PHC3: variants seen among roughly 807,000 people sequenced by gnomAD.
PHC3 encodes the protein polyhomeotic-like protein 3.
PHC3 carries 13 observed loss-of-function variants against 107.4 expected under a neutral mutation model. That is an observed-to-expected ratio of 0.12 (90% CI 0.08 to 0.19). The LOEUF (loss-of-function observed/expected upper bound fraction) is 0.19. Among genes scored for constraint, PHC3 ranks in the 10% least tolerant of loss-of-function variants. The pLI is 1.00. For missense variants in PHC3, 992 were observed against 1,210.9 expected (o/e 0.82, Z 2.68); for synonymous variants, 456 against 427.4 (o/e 1.07, Z -0.83).
intron 4 of PHC3, among the ~76,000 whole-genome samples, chr3:170,161,878 CCTTT>C (rs1024001385): frequency 6.6e-6 from 1 of 152,176 alleles, no homozygotes; most frequent in African/African-American, 2.4e-5. Flanking sequence ...CTTATGACTT[CCTTT>C]AACTTCTATC....
intron 12 of PHC3, among the ~76,000 whole-genome samples, chr3:170,104,379 C>G (rs1291061991): frequency 6.6e-6 from 1 of 152,068 alleles, no homozygotes; most frequent in Non-Finnish European, 1.5e-5. Context: ...CTATGCAAAG[C>G]TAGGAAAAAT....
chr3:170,102,578 G>A lies in PHC3; in HGVS notation c.2734C>T (p.Arg912Trp), dbSNP rs201852977. ...RERELRDVRI[R>W]KMPENSDLLP... ...AAGTCACTGTTCTCAGGCATTTTCC[G>A]AATTCTCACATCCCGAAGCTCACGT... Residue 912 changes from arginine (R) to tryptophan (W), a missense_variant, in exon 14 of 15, where the codon CGG becomes TGG. Physicochemically the swap from Arg to Trp is moderately radical, Grantham distance 101. This residue lies in a region of PHC3 where 228 missense variants were observed against 288.8 expected (regional missense o/e 0.79). Transcript: ENST00000495893. 3.2e-5 allele frequency: 52 copies of A among 1,613,732 alleles called. No individual in the cohort carries two copies. The highest frequency in any genetic ancestry group is 4.2e-5 in the Non-Finnish European group (49 of 1,179,858).
At chr3:170,136,175 TGC>T (rs1723040155) in intron 7 of PHC3, among the ~76,000 whole-genome samples, 1 of 152,198 alleles carries the variant, frequency 6.6e-6, no homozygotes. Flanking sequence ...GAGAGACCAG[TGC>T]TTAAAGATGA....
intron 11 of PHC3, 96 bp downstream of exon 11, chr3:170,113,264 C>G (rs1460799952): frequency 1.7e-6 from 2 of 1,173,914 alleles, no homozygotes; most frequent in Non-Finnish European, 2.3e-6. Flanking sequence ...TTGAATACTT[C>G]CAGTGAAATT....
chr3:170,107,838 T>C (rs1453130668), intron 11 of PHC3, among the ~76,000 whole-genome samples: 1 of 152,134 alleles, frequency 6.6e-6, no homozygotes, highest in Non-Finnish European at 1.5e-5. Context: ...GACCCTTCCA[T>C]GCTAAATCCC....
Position 170,120,089 on chromosome 3 carries a change from A to G in PHC3, c.1942+2502T>C, listed in dbSNP as rs1287675135. Among the ~76,000 whole-genome samples, 5 of 152,190 alleles carry G rather than the reference A, an allele frequency of 3.3e-5. No individual in the cohort carries two copies. The South Asian group carries it at 1.0e-3, about 32-fold the overall frequency. ...CTTATTTTGTAATTAAATCACAACT[A>G]AAATGTAAGTTTACTATTCAATAAA... On this transcript the variant is annotated intron_variant, in intron 9 of 14. Coordinates refer to ENST00000495893, the MANE Select transcript of PHC3 (RefSeq NM_024947.4).
Position 170,126,528 on chromosome 3 carries a change from A to ATATTTTTT in PHC3, c.1788+2155_1788+2156insAAAAAATA, listed in dbSNP as rs370421296. On this transcript the variant is annotated intron_variant, in intron 8 of 14. Transcript: ENST00000495893. ...TGTATATATATATATATATATATAT[A>ATATTTTTT]TTTTTTTTTTTTTTTCCTTTTTCTT... 1.4e-3 allele frequency among the ~76,000 whole-genome samples: 126 copies of ATATTTTTT among 90,582 alleles called. 1 individual carries two copies. The highest frequency in any genetic ancestry group is 5.3e-3 in the African/African-American group (119 of 22,304). The allele number at this position is 90,582 out of a possible 152,430, so 59.4% of individuals were successfully genotyped here.
At chr3:170,116,740 T>C (rs2108371578) in intron 10 of PHC3, among the ~76,000 whole-genome samples, 1 of 151,776 alleles carries the variant, frequency 6.6e-6, no homozygotes, top group African/African-American at 2.4e-5. Context: ...CAAGACCTTG[T>C]CTCTACAAAA....
chr3:170,107,809 C>A (rs1716856356), intron 11 of PHC3, among the ~76,000 whole-genome samples: 1 of 152,090 alleles, frequency 6.6e-6, no homozygotes, highest in Non-Finnish European at 1.5e-5. Flanking sequence ...TATCTTCAGG[C>A]AGTAACACAA....
rs868486348 is a variant in PHC3 at position 170,112,515 on chromosome 3, G to A, written c.2353+845C>T. On this transcript the variant is annotated intron_variant, in intron 11 of 14. Transcript: ENST00000495893. ...TGGGATTACAGACATAAGCCACCGC[G>A]CCTGGCCTATTTTTTTTTTTTTTTT... Among the ~76,000 whole-genome samples, 38 of 144,786 alleles carry A rather than the reference G, an allele frequency of 2.6e-4. No homozygotes were observed. In the South Asian group the frequency reaches 3.9e-3, roughly 15 times the overall value. The allele number at this position is 144,786 out of a possible 152,430, so 95.0% of individuals were successfully genotyped here.
intron 4 of PHC3, among the ~76,000 whole-genome samples, chr3:170,153,316 T>TC (rs2108618987): frequency 6.6e-6 from 1 of 152,302 alleles, no homozygotes; most frequent in African/African-American, 2.4e-5. Flanking sequence ...AATTTCCATT[T>TC]TGATTTTTCA....
In PHC3 at chr3:170,094,341, A is replaced by C. The variant is rs149628539; in HGVS notation, c.*2889T>G. The C allele has an allele frequency of 6.6e-6, 1 of 152,340 alleles. No individual in the cohort carries two copies. The highest frequency in any genetic ancestry group is 1.5e-5 in the Non-Finnish European group (1 of 68,032). 9.4% of individuals were successfully genotyped at this position (152,340 alleles called of 1,614,324 possible). A position where few individuals can be genotyped will look rare whatever the true frequency, so the allele number is the denominator to read the frequency against. ...CCAGGAACACAAGGCTTAAAGCAAA[A>C]TTTCAAACTTATGCTTTTTATCCCA... On this transcript the variant is annotated 3_prime_UTR_variant, in exon 15 of 15. Transcript: ENST00000495893.
At chr3:170,155,046 C>T (rs73879178) in intron 4 of PHC3, among the ~76,000 whole-genome samples, 18,180 of 152,252 alleles carry the variant, frequency 0.12, 1,132 homozygotes, top group Middle Eastern at 0.16. Context: ...AACTCACTTA[C>T]TGAGCCCGAT....
intron 4 of PHC3, among the ~76,000 whole-genome samples, chr3:170,153,252 C>G (rs1366649517): frequency 1.3e-5 from 2 of 152,142 alleles, no homozygotes; most frequent in Non-Finnish European, 2.9e-5. Flanking sequence ...TCTCCTTTAC[C>G]ACACACACAA....
Position 170,097,535 on chromosome 3 carries a change from A to C in PHC3, c.2834-151T>G, listed in dbSNP as rs1452098903. Reference sequence around the variant, plus strand: ...ATTTATTTATGGTAGTCTTGAGTTCACTCTTGAAGAATAGAGTATTTGCAT... The same window carrying C: ...ATTTATTTATGGTAGTCTTGAGTTCCCTCTTGAAGAATAGAGTATTTGCAT... On this transcript the variant is annotated intron_variant, in intron 14 of 14. Coordinates refer to ENST00000495893, the MANE Select transcript of PHC3 (RefSeq NM_024947.4). This position sits in a 1 kb window ranked among gnomAD's most constrained non-coding sequence, Gnocchi z 4.1. 6.6e-6 allele frequency among the ~76,000 whole-genome samples: 1 copy of C among 152,186 alleles called. No individual in the cohort carries two copies. The highest frequency in any genetic ancestry group is 1.5e-5 in the Non-Finnish European group (1 of 68,034).
At chr3:170,176,915 C>T (rs1473941639) in intron 2 of PHC3, 8 of 455,804 alleles carry the variant, frequency 1.8e-5, no homozygotes, top group Admixed American at 1.7e-4. Context: ...ATACCCAAGG[C>T]TATATAGCTC....
At chr3:170,148,787 A>G (rs1000187871) in intron 5 of PHC3, 2 of 199,538 alleles carry the variant, frequency 1.0e-5, no homozygotes, top group Non-Finnish European at 1.0e-5. Context: ...CACAGATATT[A>G]AAATATGAAA....
chr3:170,167,759 CAAAA>C (rs5854368), intron 4 of PHC3, among the ~76,000 whole-genome samples: 1 of 132,398 alleles, frequency 7.6e-6, no homozygotes. Context: ...GGCTTCATCT[CAAAA>C]AAAAAAAAAA....
rs998181621 is a variant in PHC3, at chr3:170,093,815, A to G, written c.*3415T>C. 1 of 152,236 alleles carries G rather than the reference A, an allele frequency of 6.6e-6. No individual in the cohort carries two copies. The highest frequency in any genetic ancestry group is 1.5e-5 in the Non-Finnish European group (1 of 68,044). 9.4% of individuals were successfully genotyped at this position (152,236 alleles called of 1,614,324 possible). ...AAAATTATTCAAAGGCATGATCACA[A>G]TAATACTTGTTTCATAGTTCTAAGT... On this transcript the variant is annotated 3_prime_UTR_variant, in exon 15 of 15. Coordinates refer to ENST00000495893, the MANE Select transcript of PHC3 (RefSeq NM_024947.4).
Sources: allele counts gnomAD v4.1 joint callset (sites outside exome capture counted in the v4.1 genomes callset), GRCh38; gene constraint gnomAD v4.1.1; regional missense constraint gnomAD v4.1.1; non-coding constraint Gnocchi (gnomAD v3.1); transcripts MANE v1.5; gene names NCBI Gene and HGNC (gene_info 2026-07-23, HGNC 2026-07-21).